CAPN3: variants seen among roughly 807,000 people sequenced by gnomAD.
CAPN3 encodes calpain 3.
A neutral mutation model predicts 114.0 loss-of-function variants in CAPN3; 88 were observed. That is an observed-to-expected ratio of 0.77 (90% CI 0.65 to 0.92). The LOEUF (loss-of-function observed/expected upper bound fraction) is 0.92. Among genes scored for constraint, CAPN3 ranks in the 40% least tolerant of loss-of-function variants. The probability of loss-of-function intolerance (pLI) is 0.00; values close to 1 mark genes in which losing one functional copy is unlikely to be tolerated. For synonymous variants in CAPN3, 386 were observed against 382.9 expected (o/e 1.01, Z -0.09); for missense variants, 1,028 against 1,069.0 (o/e 0.96, Z 0.53).
At chr15:42,400,017 TAA>T (rs748641087) in intron 10 of CAPN3, among the ~76,000 whole-genome samples, 40 of 152,202 alleles carry the variant, frequency 2.6e-4, no homozygotes, top group Non-Finnish European at 5.3e-4. Context: ...GACCTTAGCC[TAA>T]AGTTGGGCAA....
At chr15:42,403,266 T>C (rs938491693) in intron 13 of CAPN3, among the ~76,000 whole-genome samples, 4 of 152,230 alleles carry the variant, frequency 2.6e-5, no homozygotes, top group Non-Finnish European at 5.9e-5. Context: ...GAGCTTAATA[T>C]TCTAACATGA....
At chr15:42,396,306 G>C (rs954063925) in intron 8 of CAPN3, among the ~76,000 whole-genome samples, 1 of 149,828 alleles carries the variant, frequency 6.7e-6, no homozygotes, top group Non-Finnish European at 1.5e-5. Context: ...GCAATGGCGC[G>C]ATCTTGGCTC....
chr15:42,400,785 G>A (rs1566979913), intron 10 of CAPN3, among the ~76,000 whole-genome samples: 3 of 152,122 alleles, frequency 2.0e-5, no homozygotes, highest in Non-Finnish European at 4.4e-5. Context: ...TTGGGACATG[G>A]AAAGTTTGAG....
At chr15:42,382,403 C>G (rs144866304) in intron 1 of CAPN3, among the ~76,000 whole-genome samples, 2,215 of 152,204 alleles carry the variant, frequency 0.015, 56 homozygotes, top group African/African-American at 0.051. Context: ...GAGCCTCACT[C>G]TGTCGCCCAG....
intron 1 of CAPN3, among the ~76,000 whole-genome samples, chr15:42,380,751 A>ATTTTTTT (rs59923448): frequency 4.7e-5 from 3 of 64,456 alleles, no homozygotes; most frequent in African/African-American, 2.7e-4. Flanking sequence ...ATATATATAT[A>ATTTTTTT]TTTTTTTTTT....
chr15:42,410,553 T>C, intron 20 of CAPN3, 35 bp from the exon 21 acceptor site: 1 of 1,608,094 alleles, frequency 6.2e-7, no homozygotes, highest in Non-Finnish European at 8.5e-7. Flanking sequence ...GGAGATTCAG[T>C]GTGTGACCTC....
At chr15:42,393,541 G>A (rs564768799) in intron 7 of CAPN3, among the ~76,000 whole-genome samples, 5 of 151,044 alleles carry the variant, frequency 3.3e-5, no homozygotes, top group Admixed American at 1.3e-4. Flanking sequence ...ACTGGAGGGA[G>A]TCTGCTTGTT....
At position 42,412,300 on chromosome 15, in the gene CAPN3, G is replaced by A; in HGVS notation, c.*527G>A. The A allele has an allele frequency of 2.2e-6, 2 of 925,604 alleles. No homozygotes were observed. Among genetic ancestry groups the A allele is most frequent in the Non-Finnish European group, 1.6e-6 (1 of 610,072 alleles). The allele number at this position is 925,604 out of a possible 1,614,324, so 57.3% of individuals were successfully genotyped here. On this transcript the variant is annotated 3_prime_UTR_variant, in exon 24 of 24. Transcript: ENST00000397163. ...TTGAAAAAAGCTGATCTAAATAAAGGCATGTGTATGGCTGGTCCCCTTGTG... is the reference window on the plus strand; with the variant it reads ...TTGAAAAAAGCTGATCTAAATAAAGACATGTGTATGGCTGGTCCCCTTGTG...
At chr15:42,385,579 C>T in intron 2 of CAPN3, 1 of 483,484 alleles carries the variant, frequency 2.1e-6, no homozygotes, top group South Asian at 1.5e-5. Context: ...AAAGTGTTAC[C>T]TCCAACTACA....
chr15:42,372,450 C>T (rs567661005), intron 1 of CAPN3, among the ~76,000 whole-genome samples: 4 of 152,202 alleles, frequency 2.6e-5, no homozygotes, highest in Admixed American at 6.5e-5. Context: ...TGAACCACTG[C>T]GCCCAGCCTG....
chr15:42,391,398 C>T (rs1463838291), intron 6 of CAPN3, among the ~76,000 whole-genome samples: 1 of 152,090 alleles, frequency 6.6e-6, no homozygotes, highest in African/African-American at 2.4e-5. Context: ...CAAGCAGCTT[C>T]CTAGGTCTAG....
chr15:42,363,140 C>T (rs940486391), intron 1 of CAPN3, among the ~76,000 whole-genome samples: 3 of 152,212 alleles, frequency 2.0e-5, no homozygotes, highest in African/African-American at 7.2e-5. Flanking sequence ...GTTCCCAGCT[C>T]ACCTGTAATC....
chr15:42,380,789 C>T (rs1363068509), intron 1 of CAPN3, among the ~76,000 whole-genome samples: 12 of 110,854 alleles, frequency 1.1e-4, no homozygotes, highest in Non-Finnish European at 2.0e-4. Flanking sequence ...TGGGGTTTTG[C>T]CATGTTGCCC....
chr15:42,392,579 C>T, intron 6 of CAPN3, 60 bp from the exon 7 acceptor site: 1 of 1,342,342 alleles, frequency 7.4e-7, no homozygotes. Flanking sequence ...AACTTTGCCT[C>T]CAAGCAGCAG....
At position 42,409,321 on chromosome 15, in the gene CAPN3, G is replaced by C. The variant is rs758295014; in HGVS notation, c.1933G>C (p.Asp645His). 2 of 1,614,178 alleles carry C rather than the reference G, an allele frequency of 1.2e-6. No individual in the cohort carries two copies. Among genetic ancestry groups the C allele is most frequent in the Non-Finnish European group, 1.7e-6 (2 of 1,180,024 alleles). The part of the protein sequence containing the change: ...QSPQPQPGSS[D>H]QESEEQQQFR... ...TCCACAGCCACAGCCTGGCAGCTCT[G>C]ATCAGGAAAGTGAGGAACAGCAACA... is the stretch of plus-strand genomic sequence containing the variant. The change falls in exon 17 of 24, where the codon GAT (aspartate) becomes CAT (histidine). Residue 645 changes from aspartate to histidine, a missense_variant. By Grantham distance (81) the Asp-to-His change is moderately conservative. Transcript: ENST00000397163.
chr15:42,395,138 T>G (rs2053656741), intron 8 of CAPN3, among the ~76,000 whole-genome samples: 2 of 152,214 alleles, frequency 1.3e-5, no homozygotes, highest in Admixed American at 6.5e-5. Context: ...GTCATTCGTT[T>G]AGCAAATGTT....
chr15:42,402,288 G>T (rs962692344), intron 12 of CAPN3, 153 bp downstream of exon 12: 68 of 1,586,342 alleles, frequency 4.3e-5, no homozygotes, highest in Non-Finnish European at 5.5e-5. Context: ...TGCAGAGCAG[G>T]TGCCTCAGGG....
intron 1 of CAPN3, among the ~76,000 whole-genome samples, chr15:42,372,690 A>T (rs8039470): frequency 0.052 from 7,954 of 152,054 alleles, 629 homozygotes; most frequent in African/African-American, 0.17. Flanking sequence ...TCTACTAAAA[A>T]TACAAAAATT....
chr15:42,399,691 A>G, intron 10 of CAPN3, 39 bp downstream of exon 10: 1 of 1,545,228 alleles, frequency 6.5e-7, no homozygotes, highest in Non-Finnish European at 8.8e-7. Context: ...TCTAAGCCGA[A>G]AAAGTTCCAG....
Sources: gnomAD v4.1 joint callset for allele counts (sites outside exome capture counted in the v4.1 genomes callset) on GRCh38, gnomAD v4.1.1 for gene constraint, MANE v1.5 for transcripts, NCBI Gene and HGNC (gene_info 2026-07-23, HGNC 2026-07-21) for gene names.